NYAP2: variants seen among roughly 807,000 people sequenced by gnomAD.
The protein encoded by NYAP2 is neuronal tyrosine-phosphorylated phosphoinositide-3-kinase adapter 2.
Under a neutral mutation model 50.4 loss-of-function variants are expected in NYAP2, and 23 were observed. That is an observed-to-expected ratio of 0.46 (90% CI 0.33 to 0.65). The LOEUF is 0.65. Among genes scored for constraint, NYAP2 ranks in the 30% least tolerant of loss-of-function variants. The pLI is 0.02. For synonymous variants in NYAP2, 394 were observed against 365.2 expected (o/e 1.08, Z -0.90); for missense variants, 885 against 861.0 (o/e 1.03, Z -0.35).
chr2:225,621,001 C>G (rs1249480622), intron 5 of NYAP2, among the ~76,000 whole-genome samples: 1 of 151,578 alleles, frequency 6.6e-6, no homozygotes, highest in African/African-American at 2.4e-5. Context: ...GTAGTCCCAG[C>G]TACTCGGGAG....
intron 3 of NYAP2, among the ~76,000 whole-genome samples, chr2:225,424,266 G>A (rs554755789): frequency 2.4e-4 from 36 of 152,004 alleles, no homozygotes; most frequent in Non-Finnish European, 5.0e-4. Flanking sequence ...TTCTTCTGAG[G>A]TATAAGTAAG....
At chr2:225,614,972 C>G (rs1003564324) in intron 5 of NYAP2, among the ~76,000 whole-genome samples, 1 of 152,094 alleles carries the variant, frequency 6.6e-6, no homozygotes, top group Non-Finnish European at 1.5e-5. Context: ...TCCAGGTTAT[C>G]GGGAAGTTTC....
chr2:225,459,737 G>C (rs777160931), intron 3 of NYAP2, among the ~76,000 whole-genome samples: 4 of 151,936 alleles, frequency 2.6e-5, no homozygotes, highest in Admixed American at 2.6e-4. Flanking sequence ...TCCACCTCCC[G>C]GGTTCTCCCC....
intron 5 of NYAP2, among the ~76,000 whole-genome samples, chr2:225,583,813 G>T (rs1692342630): frequency 6.6e-6 from 1 of 152,160 alleles, no homozygotes; most frequent in Non-Finnish European, 1.5e-5. Flanking sequence ...GGCCGAGGCG[G>T]TCAGATCACG....
At chr2:225,434,794 A>C (rs145611347) in intron 3 of NYAP2, among the ~76,000 whole-genome samples, 5 of 152,198 alleles carry the variant, frequency 3.3e-5, no homozygotes, top group African/African-American at 9.7e-5. Flanking sequence ...CCACCATTTT[A>C]TATATACACG....
At chr2:225,659,705 G>A in the NYAP2 span, among the ~76,000 whole-genome samples, 3 of 152,168 alleles carry the variant, frequency 2.0e-5, no homozygotes, top group East Asian at 1.9e-4. Context: ...GTTAGTGGCT[G>A]TAAGACCTGG....
At chr2:225,450,675 T>G (rs528329822) in intron 3 of NYAP2, among the ~76,000 whole-genome samples, 3 of 152,258 alleles carry the variant, frequency 2.0e-5, no homozygotes, top group Admixed American at 1.3e-4. Context: ...TACATATTTA[T>G]AGTCCTTAGA....
chr2:225,524,306 T>C (rs1026863386), intron 4 of NYAP2, among the ~76,000 whole-genome samples: 1 of 152,148 alleles, frequency 6.6e-6, no homozygotes, highest in Non-Finnish European at 1.5e-5. Context: ...GCAGAAAGCA[T>C]CTAACATGGG....
At chr2:225,670,364 C>A in the NYAP2 span, among the ~76,000 whole-genome samples, 1 of 151,968 alleles carries the variant, frequency 6.6e-6, no homozygotes, top group Admixed American at 6.6e-5. Context: ...CTTTGGAGAC[C>A]TTTAAAACCA....
At chr2:225,507,854 C>T (rs1316919816) in intron 3 of NYAP2, among the ~76,000 whole-genome samples, 2 of 152,222 alleles carry the variant, frequency 1.3e-5, no homozygotes. Flanking sequence ...CGCTATTAAA[C>T]AGCTAAGGAA....
At chr2:225,432,095 T>C (rs1689275280) in intron 3 of NYAP2, among the ~76,000 whole-genome samples, 1 of 151,396 alleles carries the variant, frequency 6.6e-6, no homozygotes, top group African/African-American at 2.4e-5. Flanking sequence ...TTAGCCTCCC[T>C]AGTAGCTGGG....
chr2:225,598,226 C>A (rs980452612), intron 5 of NYAP2, among the ~76,000 whole-genome samples: 1 of 152,096 alleles, frequency 6.6e-6, no homozygotes, highest in African/African-American at 2.4e-5. Flanking sequence ...CAGCATGACA[C>A]CATGATTGTG....
chr2:225,582,447 GT>G lies in NYAP2; in HGVS notation c.1031del (p.Val344GlyfsTer29). On this transcript the variant is annotated frameshift_variant, in exon 5 of 7. Coordinates refer to ENST00000636099, the Ensembl canonical transcript of NYAP2. LOFTEE classifies it high-confidence loss of function. This position sits in a 1 kb window ranked among gnomAD's most constrained non-coding sequence, Gnocchi z 7.0. ...GCTGCTGGTATTTCCCCCCGCCCCC[GT>G]GCATTGCTCCCCCAACTCCGACGAG... is the stretch of plus-strand genomic sequence containing the variant. 2.0e-6 allele frequency: 1 copy of G among 508,408 alleles called. No individual in the cohort carries two copies. The highest frequency in any genetic ancestry group is 2.7e-6 in the Non-Finnish European group (1 of 367,370). 31.5% of individuals were successfully genotyped at this position (508,408 alleles called of 1,614,324 possible). A position where few individuals can be genotyped will look rare whatever the true frequency, so the allele number is the denominator to read the frequency against.
chr2:225,581,270 C>T (rs1343811234), intron 4 of NYAP2, among the ~76,000 whole-genome samples: 1 of 152,134 alleles, frequency 6.6e-6, no homozygotes, highest in South Asian at 2.1e-4. Flanking sequence ...TTTGGAATAT[C>T]ATAAGAGATC....
chr2:225,670,597 G>T, the NYAP2 span, among the ~76,000 whole-genome samples: 3 of 101,786 alleles, frequency 2.9e-5, no homozygotes, highest in Admixed American at 1.4e-4. Flanking sequence ...AACGTCTTCA[G>T]TATTTTCCAA....
At chr2:225,405,524 A>G (rs1270099588) in intron 2 of NYAP2, among the ~76,000 whole-genome samples, 1 of 152,004 alleles carries the variant, frequency 6.6e-6, no homozygotes, top group African/African-American at 2.4e-5. Context: ...CTTAGGTGTA[A>G]ATATAAATTT....
intron 3 of NYAP2, among the ~76,000 whole-genome samples, chr2:225,505,020 A>AAATC (rs1265483360): frequency 6.6e-6 from 1 of 151,890 alleles, no homozygotes; most frequent in Admixed American, 6.6e-5. Flanking sequence ...AAAAAAAAAA[A>AAATC]ATCATCATCA....
At chr2:225,611,380 G>A (rs2106247395) in intron 5 of NYAP2, among the ~76,000 whole-genome samples, 1 of 152,174 alleles carries the variant, frequency 6.6e-6, no homozygotes, top group South Asian at 2.1e-4. Flanking sequence ...CTTTTCAGAA[G>A]GAGGCCCCGT....
intron 3 of NYAP2, among the ~76,000 whole-genome samples, chr2:225,500,639 AT>A (rs1690588654): frequency 6.6e-6 from 1 of 152,218 alleles, no homozygotes; most frequent in Non-Finnish European, 1.5e-5. Flanking sequence ...AGACACTATT[AT>A]CAGAAGAAGC....
Sources: allele counts gnomAD v4.1 joint callset (sites outside exome capture counted in the v4.1 genomes callset), GRCh38; gene constraint gnomAD v4.1.1; non-coding constraint Gnocchi (gnomAD v3.1); transcripts MANE v1.5; gene names NCBI Gene and HGNC (gene_info 2026-07-23, HGNC 2026-07-21).